The following ADAM18 variants were observed in gnomAD, a reference collection of about 807,000 sequenced individuals.
ADAM18 encodes ADAM metallopeptidase domain 18, also known as disintegrin and metalloproteinase domain-containing protein 18.
In ADAM18, 117 loss-of-function variants were observed where a neutral mutation model predicts 94.4. The observed-to-expected ratio is 1.24, with a 90% CI of 1.07 to 1.45. The LOEUF is 1.45. ADAM18 is among the 40% of genes most tolerant of loss of function. ADAM18 has a pLI of 0.00. For synonymous variants in ADAM18, 327 were observed against 291.6 expected, an observed-to-expected ratio of 1.12 and a Z score of -1.24; for missense variants, 936 against 880.0, an observed-to-expected ratio of 1.06 and a Z score of -0.81.
chr8:39,703,175 G>T (rs1255913029), intron 17 of ADAM18, among the ~76,000 whole-genome samples: 2 of 151,994 alleles, frequency 1.3e-5, no homozygotes, highest in East Asian at 1.9e-4. Flanking sequence ...ATGTTTTGTA[G>T]TTCTTGTAGA....
intron 6 of ADAM18, among the ~76,000 whole-genome samples, chr8:39,613,044 C>T (rs1819324507): frequency 6.6e-6 from 1 of 152,128 alleles, no homozygotes; most frequent in Non-Finnish European, 1.5e-5. Flanking sequence ...TGCGTGGACT[C>T]CACCATGTCT....
intron 2 of ADAM18, among the ~76,000 whole-genome samples, chr8:39,595,994 C>T: frequency 6.6e-6 from 1 of 152,144 alleles, no homozygotes; most frequent in Non-Finnish European, 1.5e-5. Flanking sequence ...AACCAGAAAT[C>T]TGATCTTATC....
chr8:39,595,926 A>G (rs758544603), intron 2 of ADAM18, among the ~76,000 whole-genome samples: 5 of 152,112 alleles, frequency 3.3e-5, no homozygotes, highest in Non-Finnish European at 7.4e-5. Context: ...TATTCCCAGG[A>G]TTTCTTAGCT....
intron 2 of ADAM18, among the ~76,000 whole-genome samples, chr8:39,588,436 G>A (rs1818472285): frequency 6.6e-6 from 1 of 151,950 alleles, no homozygotes; most frequent in African/African-American, 2.4e-5. Flanking sequence ...TTTGTTTTTG[G>A]CTGTTGAGTT....
intron 16 of ADAM18, among the ~76,000 whole-genome samples, chr8:39,681,093 A>G (rs1174817670): frequency 1.3e-5 from 2 of 152,224 alleles, no homozygotes; most frequent in Non-Finnish European, 2.9e-5. Flanking sequence ...CAAATAAAAT[A>G]GGGCAAAAGT....
chr8:39,637,873 A>G (rs538327994), intron 9 of ADAM18, among the ~76,000 whole-genome samples, 170 bp downstream of exon 9: 3 of 152,030 alleles, frequency 2.0e-5, no homozygotes, highest in Non-Finnish European at 4.4e-5. Context: ...AATAAAAGTA[A>G]CAATAATCAG....
At chr8:39,608,968 T>G (rs1819176418) in intron 3 of ADAM18, 74 bp from the exon 4 acceptor site, 3 of 839,910 alleles carry the variant, frequency 3.6e-6, no homozygotes, top group Non-Finnish European at 5.6e-6. Flanking sequence ...TTATATAAAA[T>G]GTATGTAATA....
In ADAM18 at chr8:39,645,369, C is replaced by A. The variant is rs373829884; in HGVS notation, c.941C>A (p.Ser314Ter). The A allele has an allele frequency of 6.2e-7, 1 of 1,611,164 alleles. No homozygotes were observed. The highest frequency in any genetic ancestry group is 8.5e-7 in the Non-Finnish European group (1 of 1,178,662). Residue 314 changes from serine (S) to a stop codon, truncating the protein, a stop_gained, in exon 11 of 20, where the codon TCG (serine) becomes TAG (stop). Coordinates refer to ENST00000265707, the MANE Select transcript of ADAM18 (RefSeq NM_014237.3). LOFTEE classifies it high-confidence loss of function. ...GATGCAATAGGTTTGGAGGGATTTT[C>A]GGTTATTATAGCTCAACTGCTTGGC... ...YPDAIGLEGF[S>*]VIIAQLLGLN...
At chr8:39,712,240 C>T (rs1822430615) in intron 18 of ADAM18, among the ~76,000 whole-genome samples, 2 of 152,158 alleles carry the variant, frequency 1.3e-5, no homozygotes, top group African/African-American at 4.8e-5. Flanking sequence ...TAAAATTCAA[C>T]AGCCCTTCAT....
At chr8:39,692,990 G>A (rs918080013) in intron 17 of ADAM18, among the ~76,000 whole-genome samples, 7 of 151,298 alleles carry the variant, frequency 4.6e-5, no homozygotes, top group Admixed American at 2.6e-4. Context: ...AATAATTAAG[G>A]CATATGAGTA....
chr8:39,668,172 C>A lies in ADAM18; in HGVS notation c.1501C>A (p.Gln501Lys). The change falls in exon 14 of 20, where the codon CAG becomes AAG. Residue 501 changes from glutamine to lysine, a missense_variant. Transcript: ENST00000265707. ...CGGACAATGTCAAACTACTGATAACCAGTGTGCCAAGATATTTGGAAAAGG... is the reference window on the plus strand; with the variant it reads ...CGGACAATGTCAAACTACTGATAACAAGTGTGCCAAGATATTTGGAAAAGG... ...YNGQCQTTDN[Q>K]CAKIFGKGAQ... The A allele has an allele frequency of 1.9e-6, 3 of 1,614,030 alleles. No individual in the cohort carries two copies. The highest frequency in any genetic ancestry group is 2.5e-6 in the Non-Finnish European group (3 of 1,179,960).
At chr8:39,686,617 T>C (rs1177936594) in intron 16 of ADAM18, among the ~76,000 whole-genome samples, 2 of 152,210 alleles carry the variant, frequency 1.3e-5, no homozygotes, top group African/African-American at 4.8e-5. Flanking sequence ...TGTTAATATC[T>C]TGGTTAAAGT....
intron 12 of ADAM18, among the ~76,000 whole-genome samples, chr8:39,653,963 C>G (rs2129579764): frequency 6.6e-6 from 1 of 152,148 alleles, no homozygotes. Flanking sequence ...TAACCAACTT[C>G]TATTCATCCC....
At chr8:39,699,908 C>A (rs1343934895) in intron 17 of ADAM18, among the ~76,000 whole-genome samples, 1 of 152,120 alleles carries the variant, frequency 6.6e-6, no homozygotes, top group Non-Finnish European at 1.5e-5. Context: ...TACACAACCA[C>A]CTGTGCAATT....
At chr8:39,667,594 A>T (rs1821025743) in intron 13 of ADAM18, among the ~76,000 whole-genome samples, 1 of 152,130 alleles carries the variant, frequency 6.6e-6, no homozygotes. Flanking sequence ...CACCCATACA[A>T]ATAAGGTAGT....
intron 6 of ADAM18, among the ~76,000 whole-genome samples, chr8:39,625,560 C>A (rs962755867): frequency 3.5e-4 from 53 of 152,180 alleles, no homozygotes; most frequent in African/African-American, 1.2e-3. Flanking sequence ...GTGGCTAGGA[C>A]TTCCAGCACT....
At chr8:39,667,374 C>T (rs925945838) in intron 13 of ADAM18, among the ~76,000 whole-genome samples, 2 of 148,952 alleles carry the variant, frequency 1.3e-5, no homozygotes, top group Non-Finnish European at 3.0e-5. Context: ...TTCACTCCAG[C>T]CTGAGCAAAA....
chr8:39,701,009 T>C (rs980164878), intron 17 of ADAM18, among the ~76,000 whole-genome samples: 5 of 144,704 alleles, frequency 3.5e-5, no homozygotes, highest in Admixed American at 7.1e-5. Flanking sequence ...TCCCAGCTAC[T>C]TGGGAGGCTG....
At chr8:39,663,757 G>C (rs780882392) in intron 12 of ADAM18, 38 bp from the exon 13 acceptor site, 19 of 1,406,396 alleles carry the variant, frequency 1.4e-5, no homozygotes, top group Admixed American at 1.7e-5. Context: ...CTTTTAAGTG[G>C]TTAAACTGTA....
Sources: allele counts gnomAD v4.1 joint callset (sites outside exome capture counted in the v4.1 genomes callset), GRCh38; gene constraint gnomAD v4.1.1; transcripts MANE v1.5; gene names NCBI Gene and HGNC (gene_info 2026-07-23, HGNC 2026-07-21).